EPRS1: variants seen among roughly 807,000 people sequenced by gnomAD.
The protein encoded by EPRS1 is glutamyl-prolyl-tRNA synthetase 1.
Under a neutral mutation model 188.3 loss-of-function variants are expected in EPRS1, and 107 were observed. The observed-to-expected ratio is 0.57, with a 90% CI of 0.49 to 0.67. The LOEUF (loss-of-function observed/expected upper bound fraction) is 0.67. EPRS1 is among the 30% of genes least tolerant of loss of function. The probability of loss-of-function intolerance (pLI) is 0.00; values close to 1 mark genes in which losing one functional copy is unlikely to be tolerated. For synonymous variants in EPRS1, 596 were observed against 593.1 expected, an observed-to-expected ratio of 1.00 and a Z score of -0.07; for missense variants, 1,577 against 1,802.2, an observed-to-expected ratio of 0.88 and a Z score of 2.26.
At chr1:220,044,004 A>C (rs144274208) in intron 1 of EPRS1, among the ~76,000 whole-genome samples, 4 of 152,292 alleles carry the variant, frequency 2.6e-5, no homozygotes, top group Non-Finnish European at 1.5e-5. Flanking sequence ...TGCTTGTGTG[A>C]GATCACCTGG....
At chr1:219,974,936 T>C (rs1381838356) in intron 28 of EPRS1, among the ~76,000 whole-genome samples, 1 of 152,112 alleles carries the variant, frequency 6.6e-6, no homozygotes, top group Non-Finnish European at 1.5e-5. Context: ...ATTCCTCAGC[T>C]GGAAGAGAGA....
chr1:220,042,113 G>A (rs10863528), intron 1 of EPRS1, among the ~76,000 whole-genome samples: 92,737 of 147,846 alleles, frequency 0.63, 30,944 homozygotes, highest in Non-Finnish European at 0.75. Flanking sequence ...CCTAGGAGGC[G>A]GAGGTTGCAG....
chr1:220,042,584 A>AT (rs1662317315), intron 1 of EPRS1, among the ~76,000 whole-genome samples: 1 of 152,004 alleles, frequency 6.6e-6, no homozygotes, highest in Admixed American at 6.6e-5. Context: ...AATGAGATCA[A>AT]TTTTAGCACA....
chr1:220,012,972 C>T (rs1661635762), intron 12 of EPRS1, among the ~76,000 whole-genome samples: 1 of 152,128 alleles, frequency 6.6e-6, no homozygotes, highest in African/African-American at 2.4e-5. Context: ...AGAGAAGTCT[C>T]TACATACTTT....
intron 6 of EPRS1, among the ~76,000 whole-genome samples, chr1:220,030,116 G>T (rs1662057496): frequency 6.6e-6 from 1 of 152,008 alleles, no homozygotes; most frequent in African/African-American, 2.4e-5. Flanking sequence ...TCTTATTTTT[G>T]GATATTTTGT....
At chr1:219,994,572 TA>T (rs1332456979) in intron 18 of EPRS1, among the ~76,000 whole-genome samples, 4 of 146,258 alleles carry the variant, frequency 2.7e-5, no homozygotes, top group African/African-American at 1.0e-4. Context: ...ACAACAACAA[TA>T]AAAAAACACA....
chr1:220,019,681 T>A (rs898118065), intron 10 of EPRS1, among the ~76,000 whole-genome samples: 2 of 152,120 alleles, frequency 1.3e-5, no homozygotes, highest in African/African-American at 4.8e-5. Context: ...TAGAGATCAG[T>A]AACCAAATAT....
rs1409917814 is a variant in EPRS1 at position 220,018,474 on chromosome 1, TC to T, written c.1468del (p.Asp490ThrfsTer22). On this transcript the variant is annotated frameshift_variant, in exon 12 of 32. Coordinates refer to ENST00000366923, the MANE Select transcript of EPRS1 (RefSeq NM_004446.3). LOFTEE classifies it high-confidence loss of function. ...SSRSVVNMEW[D>X]KIWAFNKKVI... Reference sequence around the variant, plus strand: ...CTTTTTGTTAAACGCCCAGATTTTGTCCCACTCCATGTTCACGACTGAACGT... The same window carrying T: ...CTTTTTGTTAAACGCCCAGATTTTGTCCACTCCATGTTCACGACTGAACGT... 8.1e-6 allele frequency: 13 copies of T among 1,611,952 alleles called. No individual in the cohort carries two copies. The highest frequency in any genetic ancestry group is 1.1e-5 in the Non-Finnish European group (13 of 1,179,198).
At chr1:219,980,611 C>T (rs1660876172) in intron 25 of EPRS1, 145 bp downstream of exon 25, 1 of 577,310 alleles carries the variant, frequency 1.7e-6, no homozygotes, top group Non-Finnish European at 3.1e-6. Context: ...AATAACATTC[C>T]AATAAGCAGT....
chr1:220,040,996 A>G (rs542884085), intron 1 of EPRS1, among the ~76,000 whole-genome samples: 1 of 152,166 alleles, frequency 6.6e-6, no homozygotes, highest in South Asian at 2.1e-4. Flanking sequence ...CACTATGCCA[A>G]ATGCTTTACA....
intron 2 of EPRS1, among the ~76,000 whole-genome samples, chr1:220,038,980 A>G (rs534288989): frequency 1.3e-4 from 20 of 152,240 alleles, no homozygotes; most frequent in African/African-American, 4.8e-4. Flanking sequence ...AGTCAACTGC[A>G]TTTCTTTTGG....
At chr1:220,006,079 T>G in intron 15 of EPRS1, 27 bp downstream of exon 15, 2 of 1,356,964 alleles carry the variant, frequency 1.5e-6, no homozygotes, top group Non-Finnish European at 2.0e-6. Flanking sequence ...ATTTAAAAGG[T>G]GAAATATGGT....
chr1:219,998,918 C>CAAA (rs35145633), intron 17 of EPRS1, among the ~76,000 whole-genome samples: 1 of 126,454 alleles, frequency 7.9e-6, no homozygotes, highest in African/African-American at 2.9e-5. Context: ...AGTGTAACAC[C>CAAA]AAAAAAAAAA....
intron 20 of EPRS1, among the ~76,000 whole-genome samples, chr1:219,985,171 C>T (rs991630388): frequency 6.6e-6 from 1 of 152,004 alleles, no homozygotes; most frequent in African/African-American, 2.4e-5. Context: ...ATGCAGACAT[C>T]TCTTTTACAA....
intron 23 of EPRS1, among the ~76,000 whole-genome samples, chr1:219,982,334 C>T (rs990497686): frequency 3.9e-5 from 6 of 152,122 alleles, no homozygotes; most frequent in African/African-American, 1.2e-4. Flanking sequence ...CCTCACAACA[C>T]TGTTGTAAGA....
chr1:220,044,681 C>CAAAAAAAAAAAAAAAA lies in EPRS1; in HGVS notation c.46+1646_46+1661dup, dbSNP rs71560597. ...CAGAGGTTGCAATGAGCTCGGTCTC[C>CAAAAAAAAAAAAAAAA]AAAAAAAAAAAAAAAAAAAAAAAAA... On this transcript the variant is annotated intron_variant, in intron 1 of 31. Transcript: ENST00000366923. 1.9e-4 allele frequency among the ~76,000 whole-genome samples: 17 copies of CAAAAAAAAAAAAAAAA among 88,332 alleles called. 1 individual carries two copies. The highest frequency in any genetic ancestry group is 6.6e-4 in the African/African-American group (16 of 24,112). The allele number at this position is 88,332 out of a possible 152,430, so 57.9% of individuals were successfully genotyped here.
At chr1:220,004,827 T>G (rs1007803617) in intron 16 of EPRS1, among the ~76,000 whole-genome samples, 4 of 152,044 alleles carry the variant, frequency 2.6e-5, no homozygotes, top group Non-Finnish European at 5.9e-5. Context: ...TCCTATTACT[T>G]CATGGTTAAA....
intron 24 of EPRS1, 43 bp downstream of exon 24, chr1:219,981,333 AAG>A (rs1660894600): frequency 3.9e-6 from 5 of 1,280,866 alleles, no homozygotes; most frequent in South Asian, 3.1e-5. Context: ...AAAAAAAAAA[AAG>A]AACATGAATA....
At position 220,024,257 on chromosome 1, in the gene EPRS1, G is replaced by A. The variant is rs763544623; in HGVS notation, c.943+7C>T. ...TATCAATTAAAATATAAAACAATGT[G>A]GCTTACGGTTTTTTCTATGTTTAGA... On this transcript the variant is annotated splice_region_variant and intron_variant, in intron 8 of 31. Coordinates refer to ENST00000366923, the MANE Select transcript of EPRS1 (RefSeq NM_004446.3). 6.5e-7 allele frequency: 1 copy of A among 1,542,270 alleles called. No homozygotes were observed. Among genetic ancestry groups the A allele is most frequent in the South Asian group, 1.2e-5 (1 of 81,680 alleles).
Sources: allele counts gnomAD v4.1 joint callset (sites outside exome capture counted in the v4.1 genomes callset), GRCh38; gene constraint gnomAD v4.1.1; transcripts MANE v1.5; gene names NCBI Gene and HGNC (gene_info 2026-07-23, HGNC 2026-07-21).